SRGAP3: variants seen among roughly 807,000 people sequenced by gnomAD.
SRGAP3 encodes SLIT-ROBO Rho GTPase-activating protein 3.
A neutral mutation model predicts 121.1 loss-of-function variants in SRGAP3; 39 were observed. The observed-to-expected ratio is 0.32, with a 90% confidence interval of 0.25 to 0.42. The LOEUF (loss-of-function observed/expected upper bound fraction) is 0.42. Ranked by LOEUF, SRGAP3 falls within the 10% of genes least tolerant of loss-of-function variation. The pLI, the probability that SRGAP3 is intolerant of heterozygous loss-of-function variation, is 1.00. For synonymous variants in SRGAP3, 601 were observed against 570.0 expected, an observed-to-expected ratio of 1.05 and a Z score of -0.77; for missense variants, 1,213 against 1,470.6, an observed-to-expected ratio of 0.82 and a Z score of 2.86.
chr3:9,039,427 G>A (rs1230174433), intron 10 of SRGAP3, among the ~76,000 whole-genome samples: 2 of 152,252 alleles, frequency 1.3e-5, no homozygotes, highest in Non-Finnish European at 2.9e-5. Context: ...CAGATCTTAC[G>A]CTTCCCTAGA....
Position 9,248,873 on chromosome 3 carries a change from C to G in SRGAP3, c.67+12G>C. The G allele has an allele frequency of 3.1e-6, 5 of 1,614,108 alleles. No homozygotes were observed. The highest frequency in any genetic ancestry group is 4.2e-6 in the Non-Finnish European group (5 of 1,179,922). ...GGGAGGAGAAGGAAAACTCTCCCAG[C>G]CCGCATCTCACCTTTTATTTGGGCT... On this transcript the variant is annotated intron_variant, in intron 1 of 21. Coordinates refer to ENST00000383836, the MANE Select transcript of SRGAP3 (RefSeq NM_014850.4).
intron 1 of SRGAP3, among the ~76,000 whole-genome samples, chr3:9,126,086 A>C (rs1485902148): frequency 1.3e-5 from 2 of 152,216 alleles, no homozygotes; most frequent in East Asian, 3.9e-4. Context: ...GGGTACACAA[A>C]GACACCCCAC....
At chr3:9,167,521 T>C (rs1950831942) in intron 1 of SRGAP3, among the ~76,000 whole-genome samples, 2 of 152,316 alleles carry the variant, frequency 1.3e-5, no homozygotes, top group East Asian at 1.9e-4. Flanking sequence ...TCCACTGACC[T>C]TGCTCCTAAA....
At chr3:9,335,666 C>A (rs1019244256) in intron 1 of SRGAP3, among the ~76,000 whole-genome samples, 1 of 152,170 alleles carries the variant, frequency 6.6e-6, no homozygotes, top group Admixed American at 6.5e-5. Flanking sequence ...TTGAGCCCCA[C>A]CCCAGACCTA....
intron 1 of SRGAP3, among the ~76,000 whole-genome samples, chr3:9,189,357 T>C (rs1951687819): frequency 6.6e-6 from 1 of 152,238 alleles, no homozygotes; most frequent in Admixed American, 6.5e-5. Flanking sequence ...TTATTCTCCA[T>C]CAAATCGTTT....
chr3:9,289,709 T>A (rs1372109222), intron 3 of SRGAP3, among the ~76,000 whole-genome samples: 5 of 152,140 alleles, frequency 3.3e-5, no homozygotes, highest in African/African-American at 1.2e-4. Flanking sequence ...TTTAAGGACA[T>A]AACTTTATGG....
At chr3:9,230,377 G>C (rs1953157708) in intron 1 of SRGAP3, among the ~76,000 whole-genome samples, 3 of 152,158 alleles carry the variant, frequency 2.0e-5, no homozygotes, top group Admixed American at 2.0e-4. Context: ...TTCTCAAACT[G>C]GATGGGCATG....
chr3:9,093,157 G>A (rs1947826224), intron 3 of SRGAP3, among the ~76,000 whole-genome samples: 1 of 152,156 alleles, frequency 6.6e-6, no homozygotes, highest in African/African-American at 2.4e-5. Flanking sequence ...GACTATGGAT[G>A]TTGTTAGGCT....
chr3:9,218,799 A>G lies in SRGAP3; in HGVS notation c.67+30086T>C, dbSNP rs911651039. On this transcript the variant is annotated intron_variant, in intron 1 of 21. Coordinates refer to ENST00000383836, the MANE Select transcript of SRGAP3 (RefSeq NM_014850.4). The surrounding 1 kb of genome is among the most constrained non-coding windows in gnomAD (Gnocchi z 5.3). ...GTGATCCTCCCACCTCAGCCTCTCT[A>G]GTAGCTGGGAATACAGGTGTGAACC... is the stretch of plus-strand genomic sequence containing the variant. Among the ~76,000 whole-genome samples the G allele has an allele frequency of 1.3e-5, 2 of 151,782 alleles. No homozygotes were observed. Among genetic ancestry groups the G allele is most frequent in the Non-Finnish European group, 2.9e-5 (2 of 67,940 alleles).
intron 3 of SRGAP3, among the ~76,000 whole-genome samples, chr3:9,101,161 A>C (rs1948200677): frequency 6.6e-6 from 1 of 152,236 alleles, no homozygotes; most frequent in Admixed American, 6.5e-5. Context: ...CTGAGAGGTA[A>C]GGAGCGTTCT....
chr3:9,271,526 G>C (rs911010484), intron 3 of SRGAP3, among the ~76,000 whole-genome samples: 6 of 152,062 alleles, frequency 3.9e-5, no homozygotes, highest in Non-Finnish European at 7.4e-5. Context: ...GGACCCTCCC[G>C]GTTTCAGAAC....
At chr3:9,285,507 A>T (rs1954752738) in intron 3 of SRGAP3, among the ~76,000 whole-genome samples, 1 of 152,206 alleles carries the variant, frequency 6.6e-6, no homozygotes, top group South Asian at 2.1e-4. Flanking sequence ...CTCATCTCTG[A>T]AGACACAGGG....
intron 1 of SRGAP3, among the ~76,000 whole-genome samples, chr3:9,205,177 T>C (rs958576700): frequency 6.6e-5 from 10 of 152,238 alleles, no homozygotes; most frequent in Admixed American, 1.3e-4. Context: ...ACAAGTGTAA[T>C]TTTAAATTTC....
At chr3:8,988,386 G>A (rs1274945813) in intron 21 of SRGAP3, among the ~76,000 whole-genome samples, 2 of 152,192 alleles carry the variant, frequency 1.3e-5, no homozygotes, top group African/African-American at 2.4e-5. Flanking sequence ...GGGCTCATCA[G>A]AGCCAATGCT....
chr3:9,277,345 A>T (rs1332885498), intron 3 of SRGAP3, among the ~76,000 whole-genome samples: 1 of 152,130 alleles, frequency 6.6e-6, no homozygotes, highest in Non-Finnish European at 1.5e-5. Flanking sequence ...TACGCCTGTA[A>T]TCCCAGCAGT....
intron 3 of SRGAP3, among the ~76,000 whole-genome samples, chr3:9,287,144 A>C (rs1954791491): frequency 6.6e-6 from 1 of 151,842 alleles, no homozygotes; most frequent in African/African-American, 2.4e-5. Context: ...GGCAGGTGCC[A>C]CCATGCCTGG....
intron 2 of SRGAP3, among the ~76,000 whole-genome samples, chr3:9,119,707 G>T (rs1483330546): frequency 6.6e-6 from 1 of 152,226 alleles, no homozygotes; most frequent in Non-Finnish European, 1.5e-5. Flanking sequence ...GAGGACTGCA[G>T]CTGCTGTCCT....
intron 3 of SRGAP3, among the ~76,000 whole-genome samples, chr3:9,281,744 C>T (rs2125265592): frequency 6.6e-6 from 1 of 152,230 alleles, no homozygotes; most frequent in South Asian, 2.1e-4. Flanking sequence ...ATGATCTGGG[C>T]TCACTGCAAC....
intron 1 of SRGAP3, among the ~76,000 whole-genome samples, chr3:9,224,663 G>C (rs776630887): frequency 1.3e-5 from 2 of 152,206 alleles, no homozygotes; most frequent in Non-Finnish European, 2.9e-5. Flanking sequence ...CTCAATAAAA[G>C]AATACACTGA....
Sources: allele counts gnomAD v4.1 joint callset (sites outside exome capture counted in the v4.1 genomes callset), GRCh38; gene constraint gnomAD v4.1.1; non-coding constraint Gnocchi (gnomAD v3.1); transcripts MANE v1.5; gene names NCBI Gene and HGNC (gene_info 2026-07-23, HGNC 2026-07-21).